RTN3: variants seen among roughly 807,000 people sequenced by gnomAD.
RTN3 encodes the protein reticulon 3, also known as reticulon-3.
RTN3 carries 49 observed loss-of-function variants against 77.8 expected under a neutral mutation model. That is an observed-to-expected ratio of 0.63 (90% CI 0.50 to 0.80). RTN3 has a LOEUF of 0.80. RTN3 is among the 30% of genes least tolerant of loss of function. The pLI, the probability that RTN3 is intolerant of heterozygous loss-of-function variation, is 0.00. For synonymous variants in RTN3, 464 were observed against 446.9 expected (o/e 1.04, Z -0.48); for missense variants, 1,236 against 1,211.9 (o/e 1.02, Z -0.29).
At chr11:63,734,241 G>A (rs982476784) in intron 3 of RTN3, among the ~76,000 whole-genome samples, 10 of 152,024 alleles carry the variant, frequency 6.6e-5, no homozygotes, top group Non-Finnish European at 1.0e-4. Context: ...TGAGGTCAGA[G>A]TTTGAGATCT....
intron 1 of RTN3, among the ~76,000 whole-genome samples, chr11:63,699,096 T>TAAAA (rs1942105418): frequency 6.6e-6 from 1 of 152,160 alleles, no homozygotes; most frequent in Non-Finnish European, 1.5e-5. Context: ...GAGACCAGCC[T>TAAAA]GCCAGCATGG....
intron 5 of RTN3, 146 bp from the exon 6 acceptor site, chr11:63,752,923 C>A: frequency 1.2e-6 from 1 of 866,972 alleles, no homozygotes; most frequent in Non-Finnish European, 1.9e-6. Context: ...ATGTATAACA[C>A]AAGTAGGGAA....
At chr11:63,727,786 C>A (rs2012387529) in intron 3 of RTN3, among the ~76,000 whole-genome samples, 2 of 152,002 alleles carry the variant, frequency 1.3e-5, no homozygotes, top group Admixed American at 6.6e-5. Context: ...ACCTGCAAAA[C>A]CTATTTTTTA....
Position 63,692,945 on chromosome 11 carries a change from GA to G in RTN3, c.142+11174del, listed in dbSNP as rs567467230. On this transcript the variant is annotated intron_variant, in intron 1 of 8. Coordinates refer to ENST00000377819, the MANE Select transcript of RTN3 (RefSeq NM_001265589.2). ...CCTATTAAAAAAGTTCAATGAGAAA[GA>G]AAAAAAGAGAGATGGGGTCTCACCA... Among the ~76,000 whole-genome samples the G allele has an allele frequency of 6.7e-5, 10 of 148,872 alleles. No individual in the cohort carries two copies. In the East Asian group the frequency reaches 1.9e-3, roughly 29 times the overall value.
At chr11:63,689,408 A>G (rs1941540414) in intron 1 of RTN3, among the ~76,000 whole-genome samples, 1 of 152,198 alleles carries the variant, frequency 6.6e-6, no homozygotes, top group Admixed American at 6.6e-5. Context: ...GTGTGTGTTA[A>G]ATAAGTTTAG....
rs1170754111 is a variant in RTN3 at position 63,718,683 on chromosome 11, T to C, written c.200-19T>C. ...TTGTACCTGGTAAACAATTTTTTTC[T>C]TTGAAATTCTGATCATAGAGGGATT... On this transcript the variant is annotated intron_variant, in intron 2 of 8. Coordinates refer to ENST00000377819, the MANE Select transcript of RTN3 (RefSeq NM_001265589.2). 9 of 1,521,116 alleles carry C rather than the reference T, an allele frequency of 5.9e-6. No homozygotes were observed. The highest frequency in any genetic ancestry group is 7.9e-6 in the Non-Finnish European group (9 of 1,139,524). The allele number at this position is 1,521,116 out of a possible 1,614,324, so 94.2% of individuals were successfully genotyped here.
intron 2 of RTN3, among the ~76,000 whole-genome samples, chr11:63,717,113 C>T (rs2011462473): frequency 6.6e-6 from 1 of 151,714 alleles, no homozygotes; most frequent in South Asian, 2.1e-4. Context: ...CAGTGAGCCA[C>T]AATTGTACCA....
At chr11:63,712,681 T>A (rs2011193202) in intron 2 of RTN3, among the ~76,000 whole-genome samples, 1 of 151,784 alleles carries the variant, frequency 6.6e-6, no homozygotes, top group Non-Finnish European at 1.5e-5. Context: ...AGAGATGGGG[T>A]TCTCCATGTT....
At chr11:63,735,562 C>CTCTCTCTCTG (rs2013045188) in intron 3 of RTN3, among the ~76,000 whole-genome samples, 1 of 138,516 alleles carries the variant, frequency 7.2e-6, no homozygotes, top group Non-Finnish European at 1.6e-5. Flanking sequence ...CTCTCTCTCT[C>CTCTCTCTCTG]TCTCTCTCTC....
At chr11:63,734,776 CACA>C (rs1565333456) in intron 3 of RTN3, among the ~76,000 whole-genome samples, 62 of 146,516 alleles carry the variant, frequency 4.2e-4, no homozygotes, top group African/African-American at 1.1e-3. Context: ...CACACACACA[CACA>C]CACCATACTG....
chr11:63,732,334 C>A (rs2012752480), intron 3 of RTN3, among the ~76,000 whole-genome samples: 1 of 151,870 alleles, frequency 6.6e-6, no homozygotes, highest in African/African-American at 2.4e-5. Context: ...CACTATCATA[C>A]TTTATTAATT....
intron 3 of RTN3, among the ~76,000 whole-genome samples, chr11:63,738,957 A>G (rs2013306653): frequency 6.6e-6 from 1 of 152,178 alleles, no homozygotes; most frequent in African/African-American, 2.4e-5. Context: ...TTCAGGTGTA[A>G]CTTGGGTACT....
intron 2 of RTN3, chr11:63,713,999 C>T: frequency 1.9e-6 from 1 of 518,694 alleles, no homozygotes; most frequent in Non-Finnish European, 3.8e-6. Context: ...GCAGTGACTA[C>T]AAGTGCCATA....
In RTN3 at chr11:63,719,576, C is replaced by T. The variant is rs1382162205; in HGVS notation, c.1074C>T (p.Cys358=). Reference sequence around the variant, plus strand: ...AACAGACCGATAAATCTTCTGACTGCATCACAAAAACTACAGGACTTGACA... The same window carrying T: ...AACAGACCGATAAATCTTCTGACTGTATCACAAAAACTACAGGACTTGACA... The part of the protein sequence containing the change: ...VKQQTDKSSD[C]ITKTTGLDMS... The change falls in exon 3 of 9, where the codon TGC becomes TGT. Residue 358 remains cysteine, a synonymous_variant. Coordinates refer to ENST00000377819, the MANE Select transcript of RTN3 (RefSeq NM_001265589.2). The T allele has an allele frequency of 6.2e-7, 1 of 1,614,070 alleles. No individual in the cohort carries two copies. The highest frequency in any genetic ancestry group is 1.1e-5 in the South Asian group (1 of 91,058).
chr11:63,731,832 T>C (rs1008822221), intron 3 of RTN3, among the ~76,000 whole-genome samples: 3 of 152,064 alleles, frequency 2.0e-5, no homozygotes, highest in African/African-American at 7.2e-5. Flanking sequence ...TTTGTACTTT[T>C]AATAGAGATG....
At chr11:63,691,319 C>T (rs1306534387) in intron 1 of RTN3, among the ~76,000 whole-genome samples, 1 of 151,864 alleles carries the variant, frequency 6.6e-6, no homozygotes, top group East Asian at 1.9e-4. Flanking sequence ...CAGGGTTTCA[C>T]CATGTTGGTC....
Position 63,720,595 on chromosome 11 carries a change from C to T in RTN3, c.2093C>T (p.Ser698Phe), listed in dbSNP as rs2011700568. The change falls in exon 3 of 9, where the codon TCC (serine) becomes TTC (phenylalanine). Residue 698 changes from serine (S) to phenylalanine (F), a missense_variant. Ser to Phe is a radical substitution (Grantham distance 155, BLOSUM62 -2). Around this residue, in one of 3 missense-constraint regions of RTN3, gnomAD observed 1,056 missense variants for 990.4 expected, o/e 1.07. Coordinates refer to ENST00000377819, the MANE Select transcript of RTN3 (RefSeq NM_001265589.2). ...PPVEVLHENE[S>F]GGSEIKDIGS... ...GTAGAAGTCTTACATGAAAATGAGT[C>T]CGGTGGTTCTGAAATTAAAGACATT... 6.2e-7 allele frequency: 1 copy of T among 1,613,796 alleles called. No individual in the cohort carries two copies. Among genetic ancestry groups the T allele is most frequent in the Non-Finnish European group, 8.5e-7 (1 of 1,179,974 alleles).
intron 4 of RTN3, among the ~76,000 whole-genome samples, chr11:63,751,820 C>G (rs1311465955): frequency 6.6e-6 from 1 of 152,036 alleles, no homozygotes; most frequent in Non-Finnish European, 1.5e-5. Context: ...GGTGAAACCT[C>G]GTCTTTACTA....
At chr11:63,736,393 AAAAT>A (rs2013123118) in intron 3 of RTN3, among the ~76,000 whole-genome samples, 1 of 152,184 alleles carries the variant, frequency 6.6e-6, no homozygotes, top group African/African-American at 2.4e-5. Context: ...AAAACAATAA[AAAAT>A]AATATAAAGG....
Sources: gnomAD v4.1 joint callset for allele counts (sites outside exome capture counted in the v4.1 genomes callset) on GRCh38, gnomAD v4.1.1 for gene constraint, gnomAD v4.1.1 regional missense constraint, MANE v1.5 for transcripts, NCBI Gene and HGNC (gene_info 2026-07-23, HGNC 2026-07-21) for gene names.